The following ECT2L variants were observed in gnomAD, a reference collection of about 807,000 sequenced individuals.
The protein encoded by ECT2L is epithelial cell-transforming sequence 2 oncogene-like.
Under a neutral mutation model 122.8 loss-of-function variants are expected in ECT2L, and 126 were observed. That is an observed-to-expected ratio of 1.03 (90% confidence interval 0.89 to 1.19). ECT2L has a LOEUF of 1.19. Ranked by LOEUF, ECT2L falls within the 50% of genes most tolerant of loss-of-function variation. The pLI is 0.00. For missense variants in ECT2L, 1,012 were observed against 1,064.1 expected (o/e 0.95, Z 0.68); for synonymous variants, 385 against 381.8 (o/e 1.01, Z -0.10).
intron 20 of ECT2L, among the ~76,000 whole-genome samples, chr6:138,889,690 G>C (rs1279262981): frequency 6.6e-6 from 1 of 152,186 alleles, no homozygotes; most frequent in Admixed American, 6.5e-5. Flanking sequence ...ATGTAAGAAA[G>C]AGAGGACCAA....
Position 138,850,423 on chromosome 6 carries a change from G to A in ECT2L, c.1069+989G>A, listed in dbSNP as rs907446885. Among the ~76,000 whole-genome samples the A allele has an allele frequency of 7.2e-5, 11 of 152,306 alleles. No homozygotes were observed. The South Asian group carries it at 2.1e-3, about 29-fold the overall frequency. ...GCCTCCCAAAGTGCTGGGATTACAG[G>A]CATGAGCCACTTTGCCCGGCTGTGA... On this transcript the variant is annotated intron_variant, in intron 9 of 21. Coordinates refer to ENST00000541398, the MANE Select transcript of ECT2L (RefSeq NM_001077706.3).
At chr6:138,883,732 T>C (rs886936315) in intron 16 of ECT2L, among the ~76,000 whole-genome samples, 2 of 152,184 alleles carry the variant, frequency 1.3e-5, no homozygotes, top group African/African-American at 2.4e-5. Flanking sequence ...GAGACAAGGA[T>C]TGGAGCAAAG....
At chr6:138,859,340 T>C (rs1777737848) in intron 10 of ECT2L, among the ~76,000 whole-genome samples, 1 of 152,240 alleles carries the variant, frequency 6.6e-6, no homozygotes, top group African/African-American at 2.4e-5. Flanking sequence ...TCCTGGTTTC[T>C]GCTTTTACAA....
At chr6:138,847,119 A>C (rs937075711) in intron 8 of ECT2L, among the ~76,000 whole-genome samples, 15 of 151,524 alleles carry the variant, frequency 9.9e-5, no homozygotes, top group African/African-American at 3.4e-4. Context: ...AGTAGAAAAA[A>C]AATAGCCGGG....
intron 13 of ECT2L, among the ~76,000 whole-genome samples, chr6:138,874,192 T>A (rs1778362759): frequency 6.6e-6 from 1 of 152,070 alleles, no homozygotes; most frequent in Non-Finnish European, 1.5e-5. Flanking sequence ...CCATGCTCCA[T>A]CCTAGAGAAA....
chr6:138,886,539 C>G (rs977381953), intron 18 of ECT2L, among the ~76,000 whole-genome samples: 16 of 152,112 alleles, frequency 1.1e-4, no homozygotes, highest in Admixed American at 9.2e-4. Flanking sequence ...TCTTGAGTAG[C>G]TGGGACCACA....
intron 6 of ECT2L, 77 bp from the exon 7 acceptor site, chr6:138,844,335 T>C: frequency 6.6e-7 from 1 of 1,507,806 alleles, no homozygotes; most frequent in Non-Finnish European, 9.0e-7. Context: ...GCTTTATTTT[T>C]GATGCCTTTA....
At chr6:138,887,766 T>A (rs916312505) in intron 19 of ECT2L, among the ~76,000 whole-genome samples, 1 of 152,218 alleles carries the variant, frequency 6.6e-6, no homozygotes, top group Non-Finnish European at 1.5e-5. Context: ...TTGTGCATAC[T>A]CTTTCTTCTC....
chr6:138,851,185 T>C (rs937536110), intron 9 of ECT2L, among the ~76,000 whole-genome samples: 5 of 151,974 alleles, frequency 3.3e-5, no homozygotes, highest in African/African-American at 4.8e-5. Flanking sequence ...GCTTTTTTTT[T>C]GTTTTGTTGG....
At chr6:138,838,593 T>C (rs1433909003) in intron 5 of ECT2L, 79 bp downstream of exon 5, 1 of 1,418,652 alleles carries the variant, frequency 7.0e-7, no homozygotes, top group East Asian at 2.5e-5. Flanking sequence ...GTAGCTCCCG[T>C]CCCTGAAGAC....
chr6:138,819,913 C>A (rs570612851), intron 4 of ECT2L, among the ~76,000 whole-genome samples: 83 of 151,950 alleles, frequency 5.5e-4, no homozygotes, highest in Non-Finnish European at 8.4e-4. Context: ...AAACAAAAAA[C>A]CAAGTGTTAG....
At chr6:138,825,307 C>T (rs868426827) in intron 4 of ECT2L, among the ~76,000 whole-genome samples, 5 of 152,148 alleles carry the variant, frequency 3.3e-5, no homozygotes, top group Admixed American at 2.6e-4. Context: ...ATGCCGAGCG[C>T]GGTGGCTCAT....
intron 11 of ECT2L, among the ~76,000 whole-genome samples, chr6:138,863,897 C>T (rs1453619254): frequency 6.7e-6 from 1 of 149,718 alleles, no homozygotes; most frequent in Admixed American, 6.7e-5. Context: ...CAGGCGTGAG[C>T]CACCGCATCT....
chr6:138,845,891 C>G (rs537660722), intron 7 of ECT2L, among the ~76,000 whole-genome samples: 4 of 151,878 alleles, frequency 2.6e-5, no homozygotes, highest in African/African-American at 9.7e-5. Flanking sequence ...GGCAACACAG[C>G]GAGACCCCAT....
At chr6:138,859,650 C>A (rs1777747172) in intron 10 of ECT2L, among the ~76,000 whole-genome samples, 1 of 152,096 alleles carries the variant, frequency 6.6e-6, no homozygotes, top group Non-Finnish European at 1.5e-5. Context: ...AAGATCTTTT[C>A]ATGTGCTTAT....
intron 13 of ECT2L, among the ~76,000 whole-genome samples, chr6:138,874,458 C>A (rs959072646): frequency 1.3e-5 from 2 of 152,064 alleles, no homozygotes; most frequent in Admixed American, 1.3e-4. Context: ...TAGGTTCAAA[C>A]AAAATTACTA....
At chr6:138,867,655 CAAAAAAAAA>C (rs71009601) in intron 12 of ECT2L, among the ~76,000 whole-genome samples, 1 of 114,428 alleles carries the variant, frequency 8.7e-6, no homozygotes, top group South Asian at 3.1e-4. Flanking sequence ...CCTAAAACTA[CAAAAAAAAA>C]AAAAAAAAAA....
intron 11 of ECT2L, among the ~76,000 whole-genome samples, chr6:138,863,805 G>T (rs1038742940): frequency 8.6e-5 from 13 of 150,820 alleles, no homozygotes; most frequent in Non-Finnish European, 1.9e-4. Context: ...TAGTAGAGAC[G>T]GGGTTTCACC....
intron 3 of ECT2L, 100 bp from the exon 4 acceptor site, chr6:138,814,387 CAAAT>C: frequency 1.5e-6 from 1 of 648,474 alleles, no homozygotes; most frequent in Non-Finnish European, 2.6e-6. Context: ...ATGCACTCTG[CAAAT>C]ATTAGCTGTG....
Sources: allele counts gnomAD v4.1 joint callset (sites outside exome capture counted in the v4.1 genomes callset), GRCh38; gene constraint gnomAD v4.1.1; transcripts MANE v1.5; gene names NCBI Gene and HGNC (gene_info 2026-07-23, HGNC 2026-07-21).